The following SMARCAD1 variants were observed in gnomAD, a reference collection of about 807,000 sequenced individuals.
SMARCAD1 encodes the protein SNF2 related chromatin remodeling ATPase with DExD box 1.
In SMARCAD1, 25 loss-of-function variants were observed where a neutral mutation model predicts 127.1. The observed-to-expected ratio is 0.20, with a 90% CI of 0.14 to 0.27. The LOEUF (loss-of-function observed/expected upper bound fraction) is 0.27, where lower values mean the gene tolerates loss of function less well. Ranked by LOEUF, SMARCAD1 falls within the 10% of genes least tolerant of loss-of-function variation. SMARCAD1 has a pLI of 1.00. For synonymous variants in SMARCAD1, 400 were observed against 396.9 expected, an observed-to-expected ratio of 1.01 and a Z score of -0.09; for missense variants, 807 against 1,206.0, an observed-to-expected ratio of 0.67 and a Z score of 4.90.
chr4:94,217,004 A>G (rs1743299497), intron 2 of SMARCAD1, among the ~76,000 whole-genome samples: 1 of 152,180 alleles, frequency 6.6e-6, no homozygotes, highest in Non-Finnish European at 1.5e-5. Context: ...CGGAACCTCC[A>G]TACCGTTTTC....
intron 10 of SMARCAD1, among the ~76,000 whole-genome samples, chr4:94,269,391 G>C (rs1253597555): frequency 6.6e-6 from 1 of 152,100 alleles, no homozygotes; most frequent in African/African-American, 2.4e-5. Flanking sequence ...TTAATGTAAG[G>C]TGTTTTAGTG....
chr4:94,222,075 G>A (rs540237744), intron 2 of SMARCAD1, among the ~76,000 whole-genome samples: 5 of 152,248 alleles, frequency 3.3e-5, no homozygotes, highest in African/African-American at 1.2e-4. Flanking sequence ...CTGGTGATAA[G>A]GGCTATATAT....
Position 94,209,604 on chromosome 4 carries a change from TGTA to T in SMARCAD1, c.190+1021_190+1023del, listed in dbSNP as rs372339224. 3.0e-3 allele frequency among the ~76,000 whole-genome samples: 456 copies of T among 152,344 alleles called. 4 individuals are homozygous for T. Among genetic ancestry groups the T allele is most frequent in the African/African-American group, 0.01 (433 of 41,580 alleles). On this transcript the variant is annotated intron_variant, in intron 2 of 23. Coordinates refer to ENST00000354268, the MANE Select transcript of SMARCAD1 (RefSeq NM_020159.5). ...TTTGTTTGCCACCCTTCTACTTAAA[TGTA>T]ATAATGATGGCAGATCCTCTGCAAG...
chr4:94,242,199 G>GT (rs1348149592), intron 6 of SMARCAD1, among the ~76,000 whole-genome samples: 3 of 146,472 alleles, frequency 2.0e-5, no homozygotes, highest in Non-Finnish European at 3.1e-5. Context: ...ACGCCCAGCT[G>GT]TTTTTTTGTT....
intron 9 of SMARCAD1, among the ~76,000 whole-genome samples, chr4:94,263,710 T>G (rs182013143): frequency 6.6e-6 from 1 of 152,124 alleles, no homozygotes; most frequent in Non-Finnish European, 1.5e-5. Flanking sequence ...ATTCTTGTCA[T>G]AACTTGGAAA....
At chr4:94,262,594 C>T (rs1013741605) in intron 9 of SMARCAD1, among the ~76,000 whole-genome samples, 1 of 152,152 alleles carries the variant, frequency 6.6e-6, no homozygotes, top group African/African-American at 2.4e-5. Flanking sequence ...GATTCATACC[C>T]TTACTGCCTT....
At chr4:94,281,089 G>C (rs1283990962) in intron 20 of SMARCAD1, among the ~76,000 whole-genome samples, 1 of 152,130 alleles carries the variant, frequency 6.6e-6, no homozygotes, top group Non-Finnish European at 1.5e-5. Flanking sequence ...GACACTATTT[G>C]TTAGTTATTT....
Position 94,276,457 on chromosome 4 carries a change from C to T in SMARCAD1, c.1927C>T (p.His643Tyr), listed in dbSNP as rs151125076. Reference protein sequence around the residue: ...LKNMGSIRYQHLMTINANNRL... With the variant: ...LKNMGSIRYQYLMTINANNRL... The stretch of plus-strand genomic sequence containing the variant: ...GAATATGGGCTCCATTCGCTACCAG[C>T]ACCTTATGACAATTAATGTAAGAGA... The change falls in exon 15 of 24, where the codon CAC becomes TAC. Residue 643 changes from histidine (H) to tyrosine (Y), a missense_variant. His to Tyr is a moderately conservative substitution (Grantham distance 83). This residue lies in a region of SMARCAD1 where 148 missense variants were observed against 313.2 expected (regional missense o/e 0.47). Transcript: ENST00000354268. The T allele has an allele frequency of 8.2e-4, 1,322 of 1,614,068 alleles. 4 individuals carry two copies. Among genetic ancestry groups the T allele is most frequent in the South Asian group, 1.4e-3 (123 of 91,068 alleles).
At chr4:94,240,183 A>G (rs1025640763) in intron 5 of SMARCAD1, among the ~76,000 whole-genome samples, 9 of 152,322 alleles carry the variant, frequency 5.9e-5, no homozygotes, top group African/African-American at 1.9e-4. Context: ...TAGCACAGCA[A>G]TATGTCTGAC....
intron 3 of SMARCAD1, among the ~76,000 whole-genome samples, chr4:94,229,278 G>T (rs1316872885): frequency 6.6e-6 from 1 of 152,124 alleles, no homozygotes; most frequent in Non-Finnish European, 1.5e-5. Flanking sequence ...ATGATGGTGG[G>T]AAAATGTGGT....
chr4:94,243,920 T>C (rs534218431), intron 6 of SMARCAD1, among the ~76,000 whole-genome samples: 1 of 152,246 alleles, frequency 6.6e-6, no homozygotes, highest in Non-Finnish European at 1.5e-5. Context: ...ATGTTTTGAG[T>C]ATTAAGGAGA....
chr4:94,230,389 T>G (rs1193513130), intron 3 of SMARCAD1, among the ~76,000 whole-genome samples: 2 of 152,142 alleles, frequency 1.3e-5, no homozygotes, highest in Non-Finnish European at 2.9e-5. Context: ...GGAAATCATA[T>G]CAGTTCTAGA....
intron 5 of SMARCAD1, 127 bp downstream of exon 5, chr4:94,237,145 T>G (rs1746789683): frequency 1.2e-6 from 1 of 814,734 alleles, no homozygotes; most frequent in African/African-American, 1.7e-5. Context: ...TTGTGAGGTA[T>G]TAATAGTTTC....
At position 94,290,136 on chromosome 4, in the gene SMARCAD1, GAA is replaced by G; in HGVS notation, c.*604_*605del. ...CCAGGTCCTCTCAAGTACTTCTGCT[GAA>G]ACAAATTTATTTGGCTAGGCACTAA... is the stretch of plus-strand genomic sequence containing the variant. On this transcript the variant is annotated 3_prime_UTR_variant, in exon 24 of 24. Coordinates refer to ENST00000354268, the MANE Select transcript of SMARCAD1 (RefSeq NM_020159.5). 1 of 454,480 alleles carries G rather than the reference GAA, an allele frequency of 2.2e-6. No individual in the cohort carries two copies. The highest frequency in any genetic ancestry group is 4.4e-6 in the Non-Finnish European group (1 of 226,764). 28.2% of individuals were successfully genotyped at this position (454,480 alleles called of 1,614,324 possible). A position where few individuals can be genotyped will look rare whatever the true frequency, so the allele number is the denominator to read the frequency against.
chr4:94,207,798 CA>C (rs1253435888), upstream of SMARCAD1: 4 of 245,436 alleles, frequency 1.6e-5, no homozygotes, highest in Middle Eastern at 1.7e-3. Context: ...CCTTAGCATG[CA>C]CTCCACCTCT....
chr4:94,238,877 C>T (rs2125876090), intron 5 of SMARCAD1, among the ~76,000 whole-genome samples: 1 of 152,156 alleles, frequency 6.6e-6, no homozygotes, highest in East Asian at 1.9e-4. Flanking sequence ...TATTATGCTG[C>T]TTTTACTAGG....
intron 10 of SMARCAD1, among the ~76,000 whole-genome samples, 191 bp downstream of exon 10, chr4:94,265,097 T>C (rs545021341): frequency 6.6e-6 from 1 of 152,048 alleles, no homozygotes; most frequent in South Asian, 2.1e-4. Context: ...AAGTAGGGTA[T>C]TTTATTCTAT....
Position 94,283,435 on chromosome 4 carries a change from A to T in SMARCAD1, c.2909+132A>T, listed in dbSNP as rs1035939234. 38 of 784,726 alleles carry T rather than the reference A, an allele frequency of 4.8e-5. 1 individual carries two copies. Among genetic ancestry groups the T allele is most frequent in the South Asian group, 3.3e-4 (22 of 66,742 alleles). 48.6% of individuals were successfully genotyped at this position (784,726 alleles called of 1,614,324 possible). A position where few individuals can be genotyped will look rare whatever the true frequency, so the allele number is the denominator to read the frequency against. On this transcript the variant is annotated intron_variant, in intron 22 of 23. Transcript: ENST00000354268. ...CAAAGCATGGCTACTGATGTATTTT[A>T]TACCAGCAGTGTTGAACATCAACTG...
chr4:94,278,886 T>C (rs761678901), intron 18 of SMARCAD1, 43 bp from the exon 19 acceptor site: 19 of 1,611,442 alleles, frequency 1.2e-5, no homozygotes, highest in Admixed American at 3.3e-5. Context: ...TCAACAGTTA[T>C]CCGCTTGGTT....
Sources: gnomAD v4.1 joint callset for allele counts (sites outside exome capture counted in the v4.1 genomes callset) on GRCh38, gnomAD v4.1.1 for gene constraint, gnomAD v4.1.1 regional missense constraint, MANE v1.5 for transcripts, NCBI Gene and HGNC (gene_info 2026-07-23, HGNC 2026-07-21) for gene names.